Variants in KCNJ6 observed in about 807,000 individuals in gnomAD.
KCNJ6 encodes potassium inwardly rectifying channel subfamily J member 6.
KCNJ6 carries 9 observed loss-of-function variants against 34.2 expected under a neutral mutation model. The observed-to-expected ratio is 0.26, with a 90% CI of 0.16 to 0.46. KCNJ6 has a LOEUF of 0.46. Among genes scored for constraint, KCNJ6 ranks in the 20% least tolerant of loss-of-function variants. KCNJ6 has a pLI of 1.00. For missense variants in KCNJ6, 236 were observed against 531.3 expected (o/e 0.44, Z 5.46); for synonymous variants, 196 against 207.1 (o/e 0.95, Z 0.46).
intron 2 of KCNJ6, among the ~76,000 whole-genome samples, chr21:37,823,657 C>T (rs1454202254): frequency 1.3e-5 from 2 of 152,206 alleles, no homozygotes; most frequent in African/African-American, 4.8e-5. Flanking sequence ...TCCCCTTTCG[C>T]CATGATTGTA....
chr21:37,828,875 C>A (rs1350818118), intron 2 of KCNJ6, among the ~76,000 whole-genome samples: 2 of 152,234 alleles, frequency 1.3e-5, no homozygotes, highest in South Asian at 2.1e-4. Flanking sequence ...GTCTACCCTG[C>A]ACCCTCCAGC....
chr21:37,640,261 A>G (rs2054375166), intron 3 of KCNJ6, among the ~76,000 whole-genome samples: 2 of 152,244 alleles, frequency 1.3e-5, no homozygotes, highest in Non-Finnish European at 1.5e-5. Flanking sequence ...GGGCCACACT[A>G]CAGGAGTGGG....
At chr21:37,837,966 T>C (rs1371669047) in intron 2 of KCNJ6, among the ~76,000 whole-genome samples, 3 of 152,212 alleles carry the variant, frequency 2.0e-5, no homozygotes, top group Non-Finnish European at 4.4e-5. Flanking sequence ...TTGCCTCACA[T>C]CTTATATATT....
chr21:37,672,316 T>C (rs2054545791), intron 3 of KCNJ6, among the ~76,000 whole-genome samples: 1 of 151,950 alleles, frequency 6.6e-6, no homozygotes, highest in Non-Finnish European at 1.5e-5. Flanking sequence ...ACTCTTCTGC[T>C]TGTGAGAAGT....
intron 1 of KCNJ6, among the ~76,000 whole-genome samples, chr21:37,883,479 T>A (rs760766575): frequency 6.6e-6 from 1 of 152,174 alleles, no homozygotes; most frequent in Non-Finnish European, 1.5e-5. Context: ...TGCTTCATGT[T>A]ACTGGGGAGC....
chr21:37,826,127 T>A (rs1356086395), intron 2 of KCNJ6, among the ~76,000 whole-genome samples: 1 of 152,146 alleles, frequency 6.6e-6, no homozygotes, highest in Middle Eastern at 3.2e-3. Flanking sequence ...TCTTCCTTAA[T>A]CCCCCAAGAA....
intron 3 of KCNJ6, among the ~76,000 whole-genome samples, chr21:37,707,731 G>GTGTGTGTGTGTA (rs1556022152): frequency 5.3e-5 from 8 of 150,938 alleles, no homozygotes; most frequent in South Asian, 2.1e-4. Context: ...GCATGTGTGT[G>GTGTGTGTGTGTA]TGTGAATAAT....
At chr21:37,628,234 T>C (rs1236428901) in intron 3 of KCNJ6, among the ~76,000 whole-genome samples, 2 of 152,174 alleles carry the variant, frequency 1.3e-5, no homozygotes, top group Non-Finnish European at 2.9e-5. Flanking sequence ...AGAAAGACTT[T>C]AAATCAGCTA....
intron 3 of KCNJ6, among the ~76,000 whole-genome samples, chr21:37,697,782 T>A (rs965239255): frequency 6.6e-6 from 1 of 152,184 alleles, no homozygotes; most frequent in Non-Finnish European, 1.5e-5. Context: ...AGGATAAGGT[T>A]GTGTGGTGTG....
intron 2 of KCNJ6, among the ~76,000 whole-genome samples, chr21:37,771,285 G>T (rs1417469483): frequency 6.6e-6 from 1 of 152,162 alleles, no homozygotes; most frequent in African/African-American, 2.4e-5. Flanking sequence ...GAGTGTGAGA[G>T]ATTATCCTAG....
chr21:37,885,933 T>C (rs2055733435), intron 1 of KCNJ6, among the ~76,000 whole-genome samples: 1 of 152,126 alleles, frequency 6.6e-6, no homozygotes, highest in Non-Finnish European at 1.5e-5. Context: ...TTTCTCGAGG[T>C]TATTTTCCTT....
chr21:37,616,999 CTCTT>C lies in KCNJ6; in HGVS notation c.*8156_*8159del, dbSNP rs1431314283. The C allele has an allele frequency of 9.0e-6, 1 of 110,544 alleles. No individual in the cohort carries two copies. The highest frequency in any genetic ancestry group is 3.4e-5 in the African/African-American group (1 of 29,458). The allele number at this position is 110,544 out of a possible 1,614,324, so 6.8% of individuals were successfully genotyped here. ...CGATTTCTTTTCTCTTTCTTTCTTT[CTCTT>C]TCTTTTCTCTTTCTTTCTTTCTTTC... On this transcript the variant is annotated 3_prime_UTR_variant, in exon 4 of 4. Transcript: ENST00000609713.
rs1453849751 is a variant in KCNJ6, at chr21:37,617,036, CTTTCTTTCTTTCTTTCT to C, written c.*8106_*8122del. 0.12 allele frequency: 2,329 copies of C among 19,906 alleles called. 106 individuals carry two copies. Among genetic ancestry groups the C allele is most frequent in the African/African-American group, 0.2 (2,177 of 11,148 alleles). The allele number at this position is 19,906 out of a possible 1,614,324, so 1.2% of individuals were successfully genotyped here. A position where few individuals can be genotyped will look rare whatever the true frequency, so the allele number is the denominator to read the frequency against. On this transcript the variant is annotated 3_prime_UTR_variant, in exon 4 of 4. Coordinates refer to ENST00000609713, the MANE Select transcript of KCNJ6 (RefSeq NM_002240.5). ...TCTTTCTTTCTTTCTTTCTTTCTTT[CTTTCTTTCTTTCTTTCT>C]TTTCTTTTCTTTTCTTTTCTTTTCT...
At chr21:37,839,753 A>G (rs536751839) in intron 2 of KCNJ6, among the ~76,000 whole-genome samples, 2 of 152,278 alleles carry the variant, frequency 1.3e-5, no homozygotes, top group East Asian at 3.9e-4. Flanking sequence ...AGAAAACTGC[A>G]TTTCTCATTT....
chr21:37,691,176 T>A (rs576194144), intron 3 of KCNJ6, among the ~76,000 whole-genome samples: 1 of 152,142 alleles, frequency 6.6e-6, no homozygotes, highest in South Asian at 2.1e-4. Flanking sequence ...GGGCTGAGAG[T>A]GCAGGGTTTC....
At chr21:37,711,097 AG>A (rs1287776614) in intron 3 of KCNJ6, among the ~76,000 whole-genome samples, 1 of 152,168 alleles carries the variant, frequency 6.6e-6, no homozygotes. Flanking sequence ...AGGCCATGAA[AG>A]GGGGGCTCGC....
At chr21:37,857,652 G>A (rs1193072722) in intron 1 of KCNJ6, among the ~76,000 whole-genome samples, 1 of 152,140 alleles carries the variant, frequency 6.6e-6, no homozygotes, top group Non-Finnish European at 1.5e-5. Flanking sequence ...TTCTTGCTCT[G>A]TGCTATGCTT....
chr21:37,749,158 T>A (rs1844176793), intron 2 of KCNJ6, among the ~76,000 whole-genome samples: 1 of 152,118 alleles, frequency 6.6e-6, no homozygotes, highest in Admixed American at 6.5e-5. Flanking sequence ...ATGGGGTCAT[T>A]TTCAGGTGAC....
chr21:37,837,525 G>A (rs1159065516), intron 2 of KCNJ6, among the ~76,000 whole-genome samples: 1 of 152,186 alleles, frequency 6.6e-6, no homozygotes, highest in African/African-American at 2.4e-5. Flanking sequence ...AGCCATTGAT[G>A]TGGCTAGCCA....
Sources: allele counts gnomAD v4.1 joint callset (sites outside exome capture counted in the v4.1 genomes callset), GRCh38; gene constraint gnomAD v4.1.1; transcripts MANE v1.5; gene names NCBI Gene and HGNC (gene_info 2026-07-23, HGNC 2026-07-21).